DDX11: variants seen among roughly 807,000 people sequenced by gnomAD.
DDX11 encodes the protein ATP-dependent DNA helicase DDX11.
Under a neutral mutation model 125.2 loss-of-function variants are expected in DDX11, and 72 were observed. The observed-to-expected ratio is 0.58, with a 90% CI of 0.48 to 0.70. DDX11 has a LOEUF of 0.70. Ranked by LOEUF, DDX11 falls within the 30% of genes least tolerant of loss-of-function variation. The pLI is 0.00. For missense variants in DDX11, 883 were observed against 1,165.0 expected (o/e 0.76, Z 3.52); for synonymous variants, 347 against 452.6 (o/e 0.77, Z 2.96).
intron 1 of DDX11, 116 bp from the exon 2 acceptor site, chr12:31,078,274 A>G (rs1428465199): frequency 1.2e-6 from 2 of 1,605,016 alleles, no homozygotes; most frequent in South Asian, 1.1e-5. Flanking sequence ...CTTCCCAGAA[A>G]AAAGGAGAAA....
chr12:31,075,134 C>T (rs1940519518), intron 1 of DDX11, among the ~76,000 whole-genome samples: 1 of 152,142 alleles, frequency 6.6e-6, no homozygotes, highest in South Asian at 2.1e-4. Flanking sequence ...TGGTTGTCCT[C>T]CACACAGCCA....
intron 1 of DDX11, among the ~76,000 whole-genome samples, chr12:31,077,232 T>C (rs1224256038): frequency 6.6e-6 from 1 of 152,014 alleles, no homozygotes; most frequent in African/African-American, 2.4e-5. Context: ...GGCCTCCAGA[T>C]AGCGTTTACT....
At chr12:31,082,298 C>A (rs1422362061) in intron 2 of DDX11, among the ~76,000 whole-genome samples, 1 of 151,596 alleles carries the variant, frequency 6.6e-6, no homozygotes, top group Non-Finnish European at 1.5e-5. Flanking sequence ...ATCCTCTAAT[C>A]CAGAGGATTT....
intron 18 of DDX11, among the ~76,000 whole-genome samples, chr12:31,098,284 T>C (rs573376814): frequency 4.0e-4 from 61 of 152,370 alleles, no homozygotes; most frequent in African/African-American, 1.4e-3. Context: ...AAAAAAATCA[T>C]GATTCCACTT....
At chr12:31,083,615 G>C (rs546183509) in intron 2 of DDX11, among the ~76,000 whole-genome samples, 198 bp from the exon 3 acceptor site, 1 of 152,290 alleles carries the variant, frequency 6.6e-6, no homozygotes, top group Admixed American at 6.5e-5. Flanking sequence ...CTTGGGCCCA[G>C]TTTCCATTTC....
intron 18 of DDX11, among the ~76,000 whole-genome samples, chr12:31,098,542 TTC>T (rs1446130074): frequency 6.6e-6 from 1 of 150,806 alleles, no homozygotes; most frequent in Admixed American, 6.6e-5. Flanking sequence ...ATGTAGCTGC[TTC>T]TCTCTTGTTA....
chr12:31,091,086 A>G (rs1382384752), intron 9 of DDX11: 1 of 152,228 alleles, frequency 6.6e-6, no homozygotes, highest in African/African-American at 2.4e-5. Context: ...AGAAAAGTTA[A>G]GTGACTCATA....
At chr12:31,081,982 C>T (rs1301146943) in intron 2 of DDX11, among the ~76,000 whole-genome samples, 3 of 125,530 alleles carry the variant, frequency 2.4e-5, no homozygotes, top group African/African-American at 6.6e-5. Context: ...TGACTGCTTC[C>T]GATATCACAG....
At chr12:31,099,141 G>A (rs143639801) in intron 18 of DDX11, among the ~76,000 whole-genome samples, 6 of 134,842 alleles carry the variant, frequency 4.4e-5, no homozygotes, top group Admixed American at 2.5e-4. Flanking sequence ...AGGCTGGAGC[G>A]CAGTGACCTG....
At position 31,100,614 on chromosome 12, in the gene DDX11, C is replaced by T. The variant is rs114097003; in HGVS notation, c.1876-21C>T. The T allele has an allele frequency of 2.7e-3, 4,253 of 1,551,396 alleles. 69 individuals are homozygous for T. The African/African-American group carries it at 0.05, about 18-fold the overall frequency. ...CCTCTGAGGGGTCATGGGGCCGTGA[C>T]GCTGTGGCCTTGGTCTACAGGTGTC... is the stretch of plus-strand genomic sequence containing the variant. On this transcript the variant is annotated intron_variant, in intron 18 of 26. Coordinates refer to ENST00000542838, the MANE Select transcript of DDX11 (RefSeq NM_030653.4).
intron 17 of DDX11, among the ~76,000 whole-genome samples, chr12:31,097,338 T>A (rs1945442310): frequency 6.6e-6 from 1 of 152,000 alleles, no homozygotes; most frequent in Non-Finnish European, 1.5e-5. Context: ...CTATGAGCCT[T>A]GTGATTTGGA....
Position 31,097,947 on chromosome 12 carries a change from G to A in DDX11, c.1825G>A (p.Val609Met). The change falls in exon 18 of 27, where the codon GTG becomes ATG. Residue 609 changes from valine (V) to methionine (M), a missense_variant. This residue lies in a region of DDX11 where 241 missense variants were observed against 279.7 expected (regional missense o/e 0.86). Coordinates refer to ENST00000542838, the MANE Select transcript of DDX11 (RefSeq NM_030653.4). ...LLNPAVHFAQ[V>M]VKECRAVVIA... ...GAATCCAGCTGTGCACTTTGCCCAA[G>A]TGGTGAAGGAATGCCGGGCAGTGGT... The A allele has an allele frequency of 1.2e-6, 2 of 1,613,916 alleles. No individual in the cohort carries two copies. Among genetic ancestry groups the A allele is most frequent in the Non-Finnish European group, 1.7e-6 (2 of 1,179,890 alleles).
chr12:31,084,050 G>A lies in DDX11; in HGVS notation c.382G>A (p.Asp128Asn). Reference sequence around the variant, plus strand: ...GAAGAAAGAAGAGAGGGACCTGGTGGACCGACTAAAGGTGAGACCTGGGGT... The same window carrying A: ...GAAGAAAGAAGAGAGGGACCTGGTGAACCGACTAAAGGTGAGACCTGGGGT... Reference protein sequence around the residue: ...VQKKEERDLVDRLKAEQARRK... With the variant: ...VQKKEERDLVNRLKAEQARRK... Residue 128 changes from aspartate (D) to asparagine (N), a missense_variant, in exon 3 of 27, where the codon GAC becomes AAC. By Grantham distance (23) the Asp-to-Asn change is conservative (BLOSUM62 1). Coordinates refer to ENST00000542838, the MANE Select transcript of DDX11 (RefSeq NM_030653.4). 1 of 1,613,928 alleles carries A rather than the reference G, an allele frequency of 6.2e-7. No homozygotes were observed. Among genetic ancestry groups the A allele is most frequent in the South Asian group, 1.1e-5 (1 of 91,004 alleles).
intron 18 of DDX11, among the ~76,000 whole-genome samples, chr12:31,099,321 C>T (rs1393251888): frequency 2.0e-5 from 3 of 151,856 alleles, no homozygotes; most frequent in African/African-American, 4.8e-5. Context: ...TCAGGTGATC[C>T]GCCAGCCTTG....
At chr12:31,102,610 T>C in intron 23 of DDX11, 83 bp downstream of exon 23, 1 of 1,336,266 alleles carries the variant, frequency 7.5e-7, no homozygotes, top group Non-Finnish European at 1.1e-6. Context: ...GCCTGCTCTC[T>C]GCTGCCATTA....
At chr12:31,093,086 G>A (rs1470135106) in intron 11 of DDX11, among the ~76,000 whole-genome samples, 159 bp from the exon 12 acceptor site, 1 of 151,896 alleles carries the variant, frequency 6.6e-6, no homozygotes, top group Non-Finnish European at 1.5e-5. Flanking sequence ...CTGACCGCTG[G>A]CTCTGAGGCC....
intron 20 of DDX11, chr12:31,101,392 G>A: frequency 3.6e-6 from 2 of 557,700 alleles, no homozygotes; most frequent in South Asian, 2.0e-5. Context: ...GCCTCACACA[G>A]GAGAAAGCTG....
chr12:31,088,131 C>A (rs1283052024), intron 6 of DDX11, 148 bp downstream of exon 6: 3 of 1,299,530 alleles, frequency 2.3e-6, no homozygotes, highest in Non-Finnish European at 3.2e-6. Context: ...TTGCTTCTTG[C>A]ACACAACCCT....
At chr12:31,091,640 T>A in intron 9 of DDX11, 79 bp from the exon 10 acceptor site, 1 of 1,473,704 alleles carries the variant, frequency 6.8e-7, no homozygotes, top group South Asian at 1.2e-5. Context: ...AGCACTCACA[T>A]CAGGAGCTCA....
Sources: gnomAD v4.1 joint callset for allele counts (sites outside exome capture counted in the v4.1 genomes callset) on GRCh38, gnomAD v4.1.1 for gene constraint, gnomAD v4.1.1 regional missense constraint, MANE v1.5 for transcripts, NCBI Gene and HGNC (gene_info 2026-07-23, HGNC 2026-07-21) for gene names.